The following TUBB8B variants were observed in gnomAD, a reference collection of about 807,000 sequenced individuals.
TUBB8B encodes the protein tubulin beta 8B, also known as HSA18p11 beta-tubulin 4Q pseudogene.
Under a neutral mutation model 31.9 loss-of-function variants are expected in TUBB8B, and 26 were observed. That is an observed-to-expected ratio of 0.81 (90% CI 0.60 to 1.13). The LOEUF is 1.13. Among genes scored for constraint, TUBB8B ranks in the 50% most tolerant of loss-of-function variants. TUBB8B has a pLI of 0.00. For missense variants in TUBB8B, 467 were observed against 586.7 expected, an observed-to-expected ratio of 0.80 and a Z score of 2.11; for synonymous variants, 173 against 231.0, an observed-to-expected ratio of 0.75 and a Z score of 2.28.
At position 49,037 on chromosome 18, in the gene TUBB8B, C is replaced by A. The variant is rs1905906236; in HGVS notation, c.180G>T (p.Val60=). The A allele has an allele frequency of 1.2e-6, 2 of 1,604,788 alleles. No homozygotes were observed. Among genetic ancestry groups the A allele is most frequent in the Non-Finnish European group, 1.7e-6 (2 of 1,174,472 alleles). The change falls in exon 3 of 4, where the codon GTG becomes GTT. Residue 60 remains valine, a synonymous_variant. Transcript: ENST00000308911. ...HHHEASGGRY[V]PRAVLVDLEP... is the part of the protein sequence containing the mutation. ...CCAGATCCACGAGCACAGCGCGGGG[C>A]ACGTACCTGCCACCTGCGTGGGGCG...
chr18:58,282 T>C, the TUBB8B span, among the ~76,000 whole-genome samples: 3 of 151,934 alleles, frequency 2.0e-5, no homozygotes, highest in South Asian at 4.2e-4. Context: ...TTTTAAGCTT[T>C]TACGCTATGC....
At chr18:70,634 C>G in the TUBB8B span, among the ~76,000 whole-genome samples, 1 of 150,776 alleles carries the variant, frequency 6.6e-6, no homozygotes. Context: ...GACTGCATCT[C>G]AAAAAAGAAA....
Position 47,415 on chromosome 18 carries a change from T to TC in TUBB8B, c.1309dup (p.Glu437GlyfsTer16), listed in dbSNP as rs772013863. The TC allele has an allele frequency of 3.4e-6, 4 of 1,183,354 alleles. No individual in the cohort carries two copies. In the African/African-American group the frequency reaches 4.8e-5, roughly 14 times the overall value. 73.3% of individuals were successfully genotyped at this position (1,183,354 alleles called of 1,614,324 possible). A position where few individuals can be genotyped will look rare whatever the true frequency, so the allele number is the denominator to read the frequency against. Reference sequence around the variant, plus strand: ...CTAGGCCACCTCCTCCTCGGCATACTCCTCATCCTCCTCCTCCTCGGCCGT... The same window carrying TC: ...CTAGGCCACCTCCTCCTCGGCATACTCCCTCATCCTCCTCCTCCTCGGCCGT... On this transcript the variant is annotated frameshift_variant, in exon 4 of 4. Coordinates refer to ENST00000308911, the MANE Select transcript of TUBB8B (RefSeq NM_001358689.2). LOFTEE classifies it high-confidence loss of function.
the TUBB8B span, among the ~76,000 whole-genome samples, chr18:64,257 C>G: frequency 1.3e-5 from 2 of 152,154 alleles, no homozygotes; most frequent in Non-Finnish European, 2.9e-5. Context: ...TATGTTTGCA[C>G]TTCCTCTCAC....
the TUBB8B span, among the ~76,000 whole-genome samples, chr18:66,079 AT>A: frequency 3.9e-5 from 6 of 152,106 alleles, no homozygotes; most frequent in Non-Finnish European, 7.4e-5. Context: ...TAACTTAAAA[AT>A]TAGCTAGGTG....
chr18:69,626 T>C, the TUBB8B span, among the ~76,000 whole-genome samples: 1 of 152,336 alleles, frequency 6.6e-6, no homozygotes, highest in South Asian at 2.1e-4. Context: ...CAGTAACAAA[T>C]ACCACTGACA....
chr18:61,642 G>T, the TUBB8B span, among the ~76,000 whole-genome samples: 2 of 130,156 alleles, frequency 1.5e-5, no homozygotes, highest in South Asian at 5.0e-4. Flanking sequence ...ATTACCATGA[G>T]GCTTGAATAT....
At chr18:49,685 C>G (rs1297001250), upstream of TUBB8B, 1 of 704,172 alleles carries the variant, frequency 1.4e-6, no homozygotes, top group South Asian at 1.5e-5. Context: ...GATTGGGCTC[C>G]CAGAATAAGC....
the TUBB8B span, among the ~76,000 whole-genome samples, chr18:65,059 G>T: frequency 6.6e-6 from 1 of 152,090 alleles, no homozygotes; most frequent in Non-Finnish European, 1.5e-5. Context: ...CCAGCACTTT[G>T]GGAGGCCAAG....
At chr18:66,265 C>T in the TUBB8B span, among the ~76,000 whole-genome samples, 2 of 152,166 alleles carry the variant, frequency 1.3e-5, no homozygotes, top group African/African-American at 4.8e-5. Flanking sequence ...TTTAAAAAAT[C>T]AACAGGCTGG....
chr18:66,569 G>C, the TUBB8B span, among the ~76,000 whole-genome samples: 1 of 151,996 alleles, frequency 6.6e-6, no homozygotes, highest in African/African-American at 2.4e-5. Flanking sequence ...TAAAAATAAA[G>C]CAATTGCTCA....
chr18:66,652 T>C, the TUBB8B span, among the ~76,000 whole-genome samples: 1 of 152,210 alleles, frequency 6.6e-6, no homozygotes. Flanking sequence ...ACCAGAATCA[T>C]GTTGATTTTA....
At chr18:59,745 T>C in the TUBB8B span, among the ~76,000 whole-genome samples, 1 of 151,618 alleles carries the variant, frequency 6.6e-6, no homozygotes, top group Non-Finnish European at 1.5e-5. Context: ...GGTTTTGCCA[T>C]GTTGGCCAGG....
the TUBB8B span, among the ~76,000 whole-genome samples, chr18:70,914 C>T: frequency 5.5e-5 from 7 of 128,194 alleles, no homozygotes; most frequent in Non-Finnish European, 8.3e-5. Flanking sequence ...ACTCCAGCCT[C>T]GGAAAAAAGA....
chr18:62,667 C>T, the TUBB8B span, among the ~76,000 whole-genome samples: 15 of 151,610 alleles, frequency 9.9e-5, 1 homozygote, highest in African/African-American at 2.4e-4. Context: ...GTGATCCACC[C>T]GCCTCAGCCT....
intron 3 of TUBB8B, 132 bp downstream of exon 3, chr18:48,808 G>T: frequency 1.3e-6 from 1 of 751,072 alleles, no homozygotes; most frequent in South Asian, 1.5e-5. Context: ...CAGATGAAGC[G>T]ACTCGACTCG....
At chr18:49,941 A>C, upstream of TUBB8B, 1 of 465,528 alleles carries the variant, frequency 2.1e-6, no homozygotes, top group Non-Finnish European at 4.2e-6. Flanking sequence ...CCTGTCCTAG[A>C]TTGATATTTT....
upstream of TUBB8B, among the ~76,000 whole-genome samples, chr18:53,752 A>T (rs1906197615): frequency 6.6e-6 from 1 of 151,882 alleles, no homozygotes; most frequent in South Asian, 2.1e-4. Flanking sequence ...TACAAGCATG[A>T]GCTACTGCTC....
chr18:62,859 T>A, the TUBB8B span, among the ~76,000 whole-genome samples: 6 of 151,954 alleles, frequency 3.9e-5, 1 homozygote, highest in African/African-American at 1.4e-4. Context: ...TGACTTTTTC[T>A]TTTCAAATAG....
Sources: allele counts gnomAD v4.1 joint callset (sites outside exome capture counted in the v4.1 genomes callset), GRCh38; gene constraint gnomAD v4.1.1; transcripts MANE v1.5; gene names NCBI Gene and HGNC (gene_info 2026-07-23, HGNC 2026-07-21).